SNX29: variants seen among roughly 807,000 people sequenced by gnomAD.
The protein encoded by SNX29 is sorting nexin 29.
A neutral mutation model predicts 102.1 loss-of-function variants in SNX29; 78 were observed. The ratio of observed to expected loss-of-function variants is 0.76; its 90% CI spans 0.64 to 0.92. The LOEUF (loss-of-function observed/expected upper bound fraction) is 0.92. Among genes scored for constraint, SNX29 ranks in the 40% least tolerant of loss-of-function variants. The pLI, the probability that SNX29 is intolerant of heterozygous loss-of-function variation, is 0.00. For missense variants in SNX29, 1,280 were observed against 1,061.7 expected, an observed-to-expected ratio of 1.21 and a Z score of -2.86; for synonymous variants, 580 against 414.5, an observed-to-expected ratio of 1.40 and a Z score of -4.85.
chr16:12,528,074 C>G (rs569505912), intron 20 of SNX29, among the ~76,000 whole-genome samples: 5 of 152,216 alleles, frequency 3.3e-5, no homozygotes, highest in African/African-American at 1.2e-4. Flanking sequence ...ATTCCCCCAC[C>G]TTGGCCTCCC....
intron 14 of SNX29, among the ~76,000 whole-genome samples, chr16:12,219,935 CACACGT>C (rs2077431178): frequency 6.6e-6 from 1 of 152,166 alleles, no homozygotes. Flanking sequence ...CACGTGTACA[CACACGT>C]GCACGTGCAC....
At chr16:12,154,580 A>G (rs1187595729) in intron 13 of SNX29, among the ~76,000 whole-genome samples, 1 of 152,166 alleles carries the variant, frequency 6.6e-6, no homozygotes, top group African/African-American at 2.4e-5. Flanking sequence ...CTCAGGCCTG[A>G]ACTCTGTCTT....
intron 11 of SNX29, among the ~76,000 whole-genome samples, chr16:12,094,852 T>C (rs1258905946): frequency 6.6e-6 from 1 of 152,062 alleles, no homozygotes; most frequent in Non-Finnish European, 1.5e-5. Flanking sequence ...AACCGTATTT[T>C]GTCTTAGGCT....
At chr16:12,559,864 C>T (rs370394343) in intron 20 of SNX29, among the ~76,000 whole-genome samples, 4 of 152,090 alleles carry the variant, frequency 2.6e-5, no homozygotes, top group East Asian at 1.9e-4. Context: ...ATTTAAAATA[C>T]CAGATTTCAG....
intron 3 of SNX29, among the ~76,000 whole-genome samples, chr16:12,014,337 C>A (rs929097979): frequency 3.3e-5 from 5 of 152,108 alleles, no homozygotes; most frequent in Admixed American, 3.3e-4. Flanking sequence ...TTTTGTCATT[C>A]CTCATCCGCC....
At chr16:12,522,126 A>G (rs1033214097) in intron 19 of SNX29, among the ~76,000 whole-genome samples, 1 of 152,244 alleles carries the variant, frequency 6.6e-6, no homozygotes, top group African/African-American at 2.4e-5. Flanking sequence ...GAGGCTTGCT[A>G]GAGAAAATAT....
At chr16:12,335,784 T>G (rs1172816870) in intron 15 of SNX29, among the ~76,000 whole-genome samples, 1 of 151,890 alleles carries the variant, frequency 6.6e-6, no homozygotes, top group East Asian at 1.9e-4. Context: ...ATTATTTCAG[T>G]GAATTTTTCA....
chr16:12,396,164 C>T (rs1045373185), intron 16 of SNX29, among the ~76,000 whole-genome samples: 14 of 152,202 alleles, frequency 9.2e-5, no homozygotes, highest in Admixed American at 2.6e-4. Flanking sequence ...AATCCCCACC[C>T]CTCAGGGGAA....
chr16:12,127,003 C>T (rs993931764), intron 12 of SNX29, among the ~76,000 whole-genome samples: 1 of 152,132 alleles, frequency 6.6e-6, no homozygotes, highest in Non-Finnish European at 1.5e-5. Flanking sequence ...AATTCACATA[C>T]ACTATAATTC....
chr16:12,261,127 G>A (rs1172402698), intron 14 of SNX29, among the ~76,000 whole-genome samples: 1 of 150,388 alleles, frequency 6.6e-6, no homozygotes, highest in Admixed American at 6.6e-5. Context: ...CCCGGCTGGA[G>A]TGAGTGGTTC....
chr16:12,363,270 A>T (rs1466525758), intron 16 of SNX29, among the ~76,000 whole-genome samples: 1 of 152,212 alleles, frequency 6.6e-6, no homozygotes, highest in Non-Finnish European at 1.5e-5. Flanking sequence ...TTTCCAGCTC[A>T]GTTTTCCTCC....
At chr16:12,132,080 A>G (rs1336353793) in intron 13 of SNX29, among the ~76,000 whole-genome samples, 1 of 151,424 alleles carries the variant, frequency 6.6e-6, no homozygotes, top group Non-Finnish European at 1.5e-5. Context: ...CAGCAAAGAG[A>G]GACAGAATTA....
At chr16:12,446,453 A>G (rs2086058634) in intron 18 of SNX29, among the ~76,000 whole-genome samples, 1 of 152,232 alleles carries the variant, frequency 6.6e-6, no homozygotes, top group Non-Finnish European at 1.5e-5. Flanking sequence ...ATCTGGTGGG[A>G]TATTTAATGT....
intron 13 of SNX29, among the ~76,000 whole-genome samples, chr16:12,159,406 G>A (rs1291556735): frequency 1.3e-5 from 2 of 152,188 alleles, no homozygotes; most frequent in South Asian, 2.1e-4. Context: ...GAGAACTCTC[G>A]CTGTTCTGTT....
intron 14 of SNX29, among the ~76,000 whole-genome samples, chr16:12,268,534 G>C (rs979134168): frequency 2.0e-5 from 3 of 152,154 alleles, no homozygotes; most frequent in African/African-American, 7.2e-5. Flanking sequence ...GGAACACTGT[G>C]GGTAACCGGT....
At chr16:12,395,308 C>T (rs1384811209) in intron 16 of SNX29, among the ~76,000 whole-genome samples, 2 of 152,146 alleles carry the variant, frequency 1.3e-5, no homozygotes, top group East Asian at 3.9e-4. Context: ...TGTCTCTGTT[C>T]TGTCCCTGCT....
At chr16:12,149,403 A>G (rs2055202950) in intron 13 of SNX29, among the ~76,000 whole-genome samples, 1 of 152,212 alleles carries the variant, frequency 6.6e-6, no homozygotes, top group Non-Finnish European at 1.5e-5. Context: ...TCCAAATAAA[A>G]CAGAAGGCAA....
At chr16:12,461,955 C>CAAAAAA (rs1157975063) in intron 18 of SNX29, among the ~76,000 whole-genome samples, 2 of 25,498 alleles carry the variant, frequency 7.8e-5, no homozygotes, top group Non-Finnish European at 6.4e-5. Context: ...GACTCTGTCT[C>CAAAAAA]AAAAAAAAAA....
At chr16:12,556,888 T>A (rs2078390111) in intron 20 of SNX29, among the ~76,000 whole-genome samples, 4 of 148,656 alleles carry the variant, frequency 2.7e-5, no homozygotes, top group African/African-American at 1.0e-4. Flanking sequence ...GGTCTCCGTC[T>A]GTCTCCTCAC....
Sources: gnomAD v4.1 joint callset for allele counts (sites outside exome capture counted in the v4.1 genomes callset) on GRCh38, gnomAD v4.1.1 for gene constraint, MANE v1.5 for transcripts, NCBI Gene and HGNC (gene_info 2026-07-23, HGNC 2026-07-21) for gene names.